LPP: variants seen among roughly 807,000 people sequenced by gnomAD.
LPP encodes LIM domain containing preferred translocation partner in lipoma, also known as lipoma-preferred partner.
LPP carries 38 observed loss-of-function variants against 60.4 expected under a neutral mutation model. The observed-to-expected ratio is 0.63, with a 90% CI of 0.49 to 0.83. The LOEUF (loss-of-function observed/expected upper bound fraction) is 0.83. LPP is among the 40% of genes least tolerant of loss of function. The pLI is 0.00. For missense variants in LPP, 902 were observed against 783.6 expected, an observed-to-expected ratio of 1.15 and a Z score of -1.80; for synonymous variants, 328 against 290.8, an observed-to-expected ratio of 1.13 and a Z score of -1.30.
At chr3:188,698,641 T>C (rs898969813) in intron 7 of LPP, among the ~76,000 whole-genome samples, 4 of 152,190 alleles carry the variant, frequency 2.6e-5, no homozygotes, top group Non-Finnish European at 4.4e-5. Flanking sequence ...TGCGACTCGC[T>C]TTTCTTACTT....
intron 1 of LPP, among the ~76,000 whole-genome samples, chr3:188,172,279 G>A (rs1721804243): frequency 6.6e-6 from 1 of 152,196 alleles, no homozygotes; most frequent in South Asian, 2.1e-4. Context: ...GAGCTCTGGA[G>A]CTACACTGCC....
intron 8 of LPP, chr3:188,709,819 G>C (rs989721656): frequency 3.3e-5 from 5 of 152,150 alleles, no homozygotes; most frequent in African/African-American, 1.2e-4. Flanking sequence ...TGTTGAGTCA[G>C]TTAAAATTAA....
intron 5 of LPP, among the ~76,000 whole-genome samples, chr3:188,507,161 A>G (rs1264224190): frequency 6.6e-6 from 1 of 152,072 alleles, no homozygotes; most frequent in African/African-American, 2.4e-5. Context: ...GGCTTGATTG[A>G]TCTATTCTTT....
chr3:188,339,524 T>A (rs563176610), intron 2 of LPP, among the ~76,000 whole-genome samples: 1 of 152,158 alleles, frequency 6.6e-6, no homozygotes, highest in African/African-American at 2.4e-5. Flanking sequence ...AGGAAACTTA[T>A]AATCATGGTG....
intron 8 of LPP, among the ~76,000 whole-genome samples, chr3:188,739,947 C>A (rs1329146161): frequency 1.3e-5 from 2 of 152,008 alleles, no homozygotes; most frequent in East Asian, 3.9e-4. Flanking sequence ...GTTAAATGAC[C>A]AATGACTGTC....
intron 4 of LPP, among the ~76,000 whole-genome samples, chr3:188,480,778 G>A (rs960791497): frequency 6.6e-6 from 1 of 152,172 alleles, no homozygotes; most frequent in Non-Finnish European, 1.5e-5. Flanking sequence ...AGGCAGAGAG[G>A]ACAGGGCATG....
intron 7 of LPP, among the ~76,000 whole-genome samples, chr3:188,638,397 C>A (rs1462180700): frequency 2.1e-5 from 3 of 144,822 alleles, no homozygotes; most frequent in African/African-American, 7.7e-5. Context: ...GACAAACCCA[C>A]AGCCAATATC....
intron 1 of LPP, among the ~76,000 whole-genome samples, chr3:188,158,323 A>G (rs949769721): frequency 6.6e-6 from 1 of 152,138 alleles, no homozygotes; most frequent in Admixed American, 6.5e-5. Flanking sequence ...TGCATGCAGG[A>G]AGCTAGTATC....
intron 5 of LPP, among the ~76,000 whole-genome samples, chr3:188,490,046 GTT>G (rs1478077847): frequency 6.6e-6 from 1 of 152,154 alleles, no homozygotes; most frequent in Admixed American, 6.5e-5. Flanking sequence ...TACTTCAAAT[GTT>G]AAACATTTCT....
chr3:188,720,904 C>T (rs1452774043), intron 8 of LPP, among the ~76,000 whole-genome samples: 1 of 152,138 alleles, frequency 6.6e-6, no homozygotes, highest in Non-Finnish European at 1.5e-5. Context: ...CTGAAAGAGC[C>T]TAAGAAGATA....
chr3:188,806,700 A>G (rs1007625781), intron 9 of LPP, among the ~76,000 whole-genome samples: 3 of 151,838 alleles, frequency 2.0e-5, no homozygotes, highest in African/African-American at 7.2e-5. Context: ...TCTTGATTTT[A>G]ATGTTAGTAT....
intron 9 of LPP, among the ~76,000 whole-genome samples, chr3:188,853,336 A>G (rs1021440783): frequency 1.3e-5 from 2 of 152,222 alleles, no homozygotes; most frequent in African/African-American, 4.8e-5. Flanking sequence ...ATAGCATATG[A>G]ACAGATAACA....
chr3:188,346,993 A>G (rs1444940409), intron 3 of LPP, among the ~76,000 whole-genome samples: 1 of 152,204 alleles, frequency 6.6e-6, no homozygotes, highest in East Asian at 1.9e-4. Flanking sequence ...TTCAAATTCA[A>G]TTTTAATTCA....
At chr3:188,550,577 C>CAAAAAAA (rs67052080) in intron 6 of LPP, among the ~76,000 whole-genome samples, 2 of 66,876 alleles carry the variant, frequency 3.0e-5, no homozygotes, top group Non-Finnish European at 5.2e-5. Flanking sequence ...GACTCCATCT[C>CAAAAAAA]AAAAAAAAAA....
At chr3:188,821,025 T>G (rs1753816263) in intron 9 of LPP, among the ~76,000 whole-genome samples, 1 of 151,970 alleles carries the variant, frequency 6.6e-6, no homozygotes, top group Non-Finnish European at 1.5e-5. Context: ...TTGATTCATA[T>G]TCTCCCTTTT....
intron 4 of LPP, among the ~76,000 whole-genome samples, chr3:188,431,943 A>AGGT: frequency 6.6e-6 from 1 of 152,070 alleles, no homozygotes; most frequent in Admixed American, 6.6e-5. Flanking sequence ...TGACAACCCC[A>AGGT]TGTCCTTTCA....
intron 9 of LPP, among the ~76,000 whole-genome samples, chr3:188,830,476 C>T (rs1340983605): frequency 6.6e-6 from 1 of 151,740 alleles, no homozygotes; most frequent in East Asian, 1.9e-4. Context: ...TGTGGTGGCA[C>T]GTGACTGTAG....
chr3:188,197,485 G>A (rs1299625478), intron 1 of LPP, among the ~76,000 whole-genome samples: 1 of 152,170 alleles, frequency 6.6e-6, no homozygotes, highest in African/African-American at 2.4e-5. Context: ...CTGCCTTGGA[G>A]GAAGCGAGTG....
At chr3:188,660,060 T>A (rs1854230661) in intron 7 of LPP, among the ~76,000 whole-genome samples, 2 of 152,102 alleles carry the variant, frequency 1.3e-5, no homozygotes, top group Admixed American at 1.3e-4. Context: ...ACAGCTCACA[T>A]ATTTGTTTTT....
Sources: allele counts gnomAD v4.1 joint callset (sites outside exome capture counted in the v4.1 genomes callset), GRCh38; gene constraint gnomAD v4.1.1; transcripts MANE v1.5; gene names NCBI Gene and HGNC (gene_info 2026-07-23, HGNC 2026-07-21).